STT3B: variants seen among roughly 807,000 people sequenced by gnomAD.
STT3B encodes the protein dolichyl-diphosphooligosaccharide--protein glycosyltransferase subunit STT3B.
A neutral mutation model predicts 96.8 loss-of-function variants in STT3B; 29 were observed. The ratio of observed to expected loss-of-function variants is 0.30; its 90% confidence interval spans 0.22 to 0.41. The LOEUF (loss-of-function observed/expected upper bound fraction) is 0.41, where lower values mean the gene tolerates loss of function less well. Among genes scored for constraint, STT3B ranks in the 10% least tolerant of loss-of-function variants. The pLI is 1.00. For synonymous variants in STT3B, 367 were observed against 360.0 expected (o/e 1.02, Z -0.22); for missense variants, 640 against 1,022.3 (o/e 0.63, Z 5.10).
intron 1 of STT3B, among the ~76,000 whole-genome samples, chr3:31,573,229 A>C (rs905456274): frequency 6.6e-6 from 1 of 152,148 alleles, no homozygotes; most frequent in African/African-American, 2.4e-5. Context: ...TTATGTTAAG[A>C]AGTGGAGGTT....
At chr3:31,588,072 T>G (rs1246598018) in intron 3 of STT3B, among the ~76,000 whole-genome samples, 5 of 152,138 alleles carry the variant, frequency 3.3e-5, no homozygotes, top group Non-Finnish European at 7.4e-5. Flanking sequence ...CCCTTATTGT[T>G]GAGGTGAAAA....
At position 31,622,229 on chromosome 3, in the gene STT3B, A is replaced by T; in HGVS notation, c.1460A>T (p.Asp487Val). ...SNVFEHYLGD[D>V]MKRENPPVED... Reference sequence around the variant, plus strand: ...GTTTTTGAGCACTATTTGGGGGATGACATGAAAAGGGAAAATCCACCTGTG... The same window carrying T: ...GTTTTTGAGCACTATTTGGGGGATGTCATGAAAAGGGAAAATCCACCTGTG... Residue 487 changes from aspartate to valine, a missense_variant, in exon 10 of 16, where the codon GAC becomes GTC. Around this residue, in one of 8 missense-constraint regions of STT3B, gnomAD observed 149 missense variants for 250.2 expected, o/e 0.60. Coordinates refer to ENST00000295770, the MANE Select transcript of STT3B (RefSeq NM_178862.3). 6.2e-7 allele frequency: 1 copy of T among 1,614,144 alleles called. No homozygotes were observed. Among genetic ancestry groups the T allele is most frequent in the Non-Finnish European group, 8.5e-7 (1 of 1,179,970 alleles).
intron 1 of STT3B, among the ~76,000 whole-genome samples, chr3:31,567,647 T>C (rs1056257014): frequency 4.6e-5 from 7 of 152,148 alleles, no homozygotes; most frequent in Non-Finnish European, 7.3e-5. Context: ...CACCTCAAAA[T>C]TTGTTTTGAA....
At chr3:31,624,681 T>A (rs1490387552) in intron 11 of STT3B, among the ~76,000 whole-genome samples, 5 of 152,076 alleles carry the variant, frequency 3.3e-5, no homozygotes, top group African/African-American at 1.2e-4. Flanking sequence ...TTTTTTTTTT[T>A]TTTTTTAAAT....
intron 1 of STT3B, among the ~76,000 whole-genome samples, chr3:31,564,419 C>T (rs1249105990): frequency 6.6e-6 from 1 of 152,182 alleles, no homozygotes; most frequent in African/African-American, 2.4e-5. Flanking sequence ...CCTGGCTTTG[C>T]TGCTTTGACT....
chr3:31,561,043 A>G (rs969511621), intron 1 of STT3B, among the ~76,000 whole-genome samples: 5 of 152,018 alleles, frequency 3.3e-5, no homozygotes, highest in African/African-American at 7.2e-5. Context: ...TGAAGGTTTC[A>G]TATATATTTT....
chr3:31,626,728 C>G (rs183152195), intron 13 of STT3B, among the ~76,000 whole-genome samples: 1 of 152,188 alleles, frequency 6.6e-6, no homozygotes, highest in Non-Finnish European at 1.5e-5. Flanking sequence ...TATCTTTTGC[C>G]AAAAATAACT....
intron 3 of STT3B, among the ~76,000 whole-genome samples, chr3:31,580,571 C>T (rs960261145): frequency 8.6e-5 from 13 of 152,006 alleles, no homozygotes; most frequent in African/African-American, 2.9e-4. Context: ...ATTATTTTAG[C>T]TTTAGCTTGT....
chr3:31,587,767 G>A (rs764873850), intron 3 of STT3B, among the ~76,000 whole-genome samples: 9 of 152,130 alleles, frequency 5.9e-5, no homozygotes, highest in Non-Finnish European at 1.0e-4. Context: ...AAACATCTGT[G>A]TACAAATTAC....
At chr3:31,553,656 C>T (rs549759959) in intron 1 of STT3B, among the ~76,000 whole-genome samples, 1 of 152,252 alleles carries the variant, frequency 6.6e-6, no homozygotes, top group East Asian at 1.9e-4. Context: ...GTTATGCATA[C>T]AGTTGTCAAA....
At position 31,633,671 on chromosome 3, in the gene STT3B, A is replaced by G. The variant is rs72856092; in HGVS notation, c.2400+524A>G. Among the ~76,000 whole-genome samples the G allele has an allele frequency of 2.7e-3, 417 of 152,256 alleles. 2 individuals carry two copies. The highest frequency in any genetic ancestry group is 9.8e-3 in the African/African-American group (406 of 41,546). The stretch of plus-strand genomic sequence containing the variant: ...AGGCAGGAATTATGAGACTACTGCA[A>G]TTCTTTTCTAATATTATATAAGATA... On this transcript the variant is annotated intron_variant, in intron 15 of 15. Transcript: ENST00000295770.
chr3:31,566,099 G>A (rs1471631017), intron 1 of STT3B, among the ~76,000 whole-genome samples: 1 of 152,174 alleles, frequency 6.6e-6, no homozygotes, highest in Non-Finnish European at 1.5e-5. Context: ...GGTTATATAA[G>A]ATGGTACCAT....
intron 5 of STT3B, among the ~76,000 whole-genome samples, chr3:31,609,111 C>T (rs1575439128): frequency 6.6e-6 from 1 of 152,122 alleles, no homozygotes; most frequent in Non-Finnish European, 1.5e-5. Flanking sequence ...AAGACTCTGT[C>T]TCAAGAAAAG....
chr3:31,569,950 A>G (rs1575418739), intron 1 of STT3B, among the ~76,000 whole-genome samples: 2 of 152,206 alleles, frequency 1.3e-5, no homozygotes, highest in South Asian at 4.1e-4. Context: ...ATAATAAGCT[A>G]TATCTACGTA....
chr3:31,536,358 C>T (rs976208766), intron 1 of STT3B, among the ~76,000 whole-genome samples: 1 of 152,114 alleles, frequency 6.6e-6, no homozygotes, highest in Non-Finnish European at 1.5e-5. Flanking sequence ...TGGCACAGAC[C>T]TTTAATAATA....
At chr3:31,554,240 A>T (rs1697638221) in intron 1 of STT3B, among the ~76,000 whole-genome samples, 1 of 152,162 alleles carries the variant, frequency 6.6e-6, no homozygotes, top group Non-Finnish European at 1.5e-5. Context: ...ACTCAATATT[A>T]ATCTTGTTTT....
chr3:31,594,751 C>T (rs1286656378), intron 3 of STT3B, among the ~76,000 whole-genome samples: 5 of 152,122 alleles, frequency 3.3e-5, no homozygotes, highest in African/African-American at 4.8e-5. Context: ...TGTGCTAGAT[C>T]GGCTAACAGA....
intron 11 of STT3B, among the ~76,000 whole-genome samples, chr3:31,624,398 A>G (rs541204752): frequency 6.6e-6 from 1 of 152,196 alleles, no homozygotes; most frequent in African/African-American, 2.4e-5. Context: ...GTTTTTCTCA[A>G]ATGTGTGGTC....
chr3:31,632,020 TA>T (rs969821853), intron 14 of STT3B, among the ~76,000 whole-genome samples: 1 of 152,000 alleles, frequency 6.6e-6, no homozygotes, highest in African/African-American at 2.4e-5. Flanking sequence ...CACGTCCAGT[TA>T]ATTTTTGTAT....
Sources: allele counts gnomAD v4.1 joint callset (sites outside exome capture counted in the v4.1 genomes callset), GRCh38; gene constraint gnomAD v4.1.1; regional missense constraint gnomAD v4.1.1; transcripts MANE v1.5; gene names NCBI Gene and HGNC (gene_info 2026-07-23, HGNC 2026-07-21).